Variants in TBL1XR1 observed in about 807,000 individuals in gnomAD.
TBL1XR1 encodes TBL1X/Y related 1, also known as F-box-like/WD repeat-containing protein TBL1XR1.
A neutral mutation model predicts 66.9 loss-of-function variants in TBL1XR1; 5 were observed. The ratio of observed to expected loss-of-function variants is 0.07; its 90% CI spans 0.04 to 0.16. The LOEUF is 0.16. Ranked by LOEUF, TBL1XR1 falls within the 10% of genes least tolerant of loss-of-function variation. The probability of loss-of-function intolerance (pLI) is 1.00; values close to 1 mark genes in which losing one functional copy is unlikely to be tolerated. For synonymous variants in TBL1XR1, 210 were observed against 206.0 expected, an observed-to-expected ratio of 1.02 and a Z score of -0.17; for missense variants, 238 against 623.2, an observed-to-expected ratio of 0.38 and a Z score of 6.58.
Position 177,079,431 on chromosome 3 carries a change from TA to T in TBL1XR1, c.-45-14410del, listed in dbSNP as rs558379219. On this transcript the variant is annotated intron_variant, in intron 2 of 15. Coordinates refer to ENST00000457928, the MANE Select transcript of TBL1XR1 (RefSeq NM_024665.7). ...CTGGGCGACAGAGCAAGACTCCATT[TA>T]AAAAAAAAAAAAAAAATTTGTATCT... 955 of 138,354 alleles carry T rather than the reference TA, an allele frequency of 6.9e-3. 7 individuals carry two copies. The highest frequency in any genetic ancestry group is 0.038 in the East Asian group (179 of 4,762). The allele number at this position is 138,354 out of a possible 1,614,324, so 8.6% of individuals were successfully genotyped here.
At chr3:177,183,610 A>C (rs151049336) in intron 1 of TBL1XR1, among the ~76,000 whole-genome samples, 3,378 of 151,640 alleles carry the variant, frequency 0.022, 135 homozygotes, top group African/African-American at 0.078. Context: ...TCCCGGGTTC[A>C]AGTGATTCTC....
At chr3:177,033,587 G>A (rs1198449154) in intron 13 of TBL1XR1, among the ~76,000 whole-genome samples, 1 of 151,632 alleles carries the variant, frequency 6.6e-6, no homozygotes, top group African/African-American at 2.4e-5. Context: ...TTTGGTATCA[G>A]TCAATATTTG....
At chr3:177,152,039 A>G (rs1002225835) in intron 1 of TBL1XR1, among the ~76,000 whole-genome samples, 2 of 152,096 alleles carry the variant, frequency 1.3e-5, no homozygotes, top group African/African-American at 2.4e-5. Flanking sequence ...TGTCCTAAAT[A>G]CTACTACTGA....
At chr3:177,035,734 G>T (rs937452922) in intron 12 of TBL1XR1, among the ~76,000 whole-genome samples, 2 of 152,086 alleles carry the variant, frequency 1.3e-5, no homozygotes, top group Non-Finnish European at 2.9e-5. Context: ...GTGGGTGTCT[G>T]CCTGCAGACC....
At chr3:177,071,224 G>T (rs1719969207) in intron 2 of TBL1XR1, among the ~76,000 whole-genome samples, 1 of 151,850 alleles carries the variant, frequency 6.6e-6, no homozygotes, top group Non-Finnish European at 1.5e-5. Context: ...TAGAGACGGG[G>T]TTTCATCTAA....
chr3:177,176,683 C>G (rs1024802632), intron 1 of TBL1XR1, among the ~76,000 whole-genome samples: 18 of 151,828 alleles, frequency 1.2e-4, no homozygotes, highest in Admixed American at 7.9e-4. Context: ...GGCGTGATGG[C>G]GCATGCCTGT....
At chr3:177,112,074 AATATATATATAT>A (rs1170375681) in intron 1 of TBL1XR1, among the ~76,000 whole-genome samples, 11 of 40,944 alleles carry the variant, frequency 2.7e-4, no homozygotes, top group South Asian at 1.1e-3. Flanking sequence ...TATAAAATCA[AATATATATATAT>A]ATATATATAT....
intron 1 of TBL1XR1, among the ~76,000 whole-genome samples, chr3:177,123,436 T>G (rs1488897606): frequency 6.6e-6 from 1 of 152,056 alleles, no homozygotes; most frequent in East Asian, 1.9e-4. Context: ...GCTCAAATCT[T>G]TAACAGAGAA....
At chr3:177,105,990 G>A (rs1277158579) in intron 1 of TBL1XR1, among the ~76,000 whole-genome samples, 3 of 151,960 alleles carry the variant, frequency 2.0e-5, no homozygotes, top group African/African-American at 7.3e-5. Flanking sequence ...ATACTACATC[G>A]GACTAAATTA....
intron 11 of TBL1XR1, 56 bp downstream of exon 11, chr3:177,038,257 T>G: frequency 6.3e-7 from 1 of 1,595,602 alleles, no homozygotes; most frequent in Non-Finnish European, 8.5e-7. Context: ...TTAAAACTAT[T>G]CTGAAACATT....
chr3:177,185,229 C>A (rs965740589), intron 1 of TBL1XR1, among the ~76,000 whole-genome samples: 2 of 152,220 alleles, frequency 1.3e-5, no homozygotes, highest in African/African-American at 4.8e-5. Context: ...TAAGCACACA[C>A]AACAAGCATA....
intron 10 of TBL1XR1, among the ~76,000 whole-genome samples, chr3:177,043,965 CTT>C (rs1176791921): frequency 6.6e-6 from 1 of 151,994 alleles, no homozygotes; most frequent in Non-Finnish European, 1.5e-5. Context: ...CCTCCCCTAC[CTT>C]TTTACCTAAG....
At chr3:177,173,386 C>A (rs539817845) in intron 1 of TBL1XR1, among the ~76,000 whole-genome samples, 1 of 152,274 alleles carries the variant, frequency 6.6e-6, no homozygotes, top group African/African-American at 2.4e-5. Flanking sequence ...AGCGAAGGAA[C>A]TTGGCACACA....
intron 1 of TBL1XR1, among the ~76,000 whole-genome samples, chr3:177,098,961 A>C (rs1469457412): frequency 2.6e-5 from 4 of 152,202 alleles, no homozygotes; most frequent in African/African-American, 9.6e-5. Flanking sequence ...AAACAATTTC[A>C]ATCAAAACTT....
chr3:177,081,054 A>G lies in TBL1XR1; in HGVS notation c.-45-16032T>C, dbSNP rs986418344. Among the ~76,000 whole-genome samples, 13 of 152,208 alleles carry G rather than the reference A, an allele frequency of 8.5e-5. 1 individual carries two copies. Among genetic ancestry groups the G allele is most frequent in the South Asian group, 4.1e-4 (2 of 4,834 alleles). ...TTCATATGGAAAAAGCTTGTTTTTA[A>G]AAGTTTTTCTTAAATGCAAATTACC... On this transcript the variant is annotated intron_variant, in intron 2 of 15. Coordinates refer to ENST00000457928, the MANE Select transcript of TBL1XR1 (RefSeq NM_024665.7).
chr3:177,163,939 T>C (rs565612932), intron 1 of TBL1XR1: 9 of 152,314 alleles, frequency 5.9e-5, no homozygotes, highest in Non-Finnish European at 1.0e-4. Context: ...ACTCAGTACT[T>C]CTGCCCAAGC....
At chr3:177,123,030 ATG>A (rs977148774) in intron 1 of TBL1XR1, among the ~76,000 whole-genome samples, 4 of 152,074 alleles carry the variant, frequency 2.6e-5, no homozygotes, top group African/African-American at 4.8e-5. Context: ...TGTCGCACAC[ATG>A]TGTCTTGTAT....
At chr3:177,105,290 A>G (rs977094986) in intron 1 of TBL1XR1, among the ~76,000 whole-genome samples, 3 of 152,200 alleles carry the variant, frequency 2.0e-5, no homozygotes, top group Non-Finnish European at 2.9e-5. Flanking sequence ...TGTTTACATA[A>G]AGTTTGATAG....
At chr3:177,124,619 A>T (rs1037431247) in intron 1 of TBL1XR1, among the ~76,000 whole-genome samples, 2 of 152,126 alleles carry the variant, frequency 1.3e-5, no homozygotes, top group African/African-American at 2.4e-5. Flanking sequence ...CATTTAAAAA[A>T]TGTGTGACCT....
Sources: allele counts gnomAD v4.1 joint callset (sites outside exome capture counted in the v4.1 genomes callset), GRCh38; gene constraint gnomAD v4.1.1; transcripts MANE v1.5; gene names NCBI Gene and HGNC (gene_info 2026-07-23, HGNC 2026-07-21).